Variants in KIF21A observed in about 807,000 individuals in gnomAD.
KIF21A encodes the protein kinesin family member 21A, also known as kinesin-like protein KIF21A.
A neutral mutation model predicts 202.9 loss-of-function variants in KIF21A; 114 were observed. The observed-to-expected ratio is 0.56, with a 90% CI of 0.48 to 0.66. The LOEUF (loss-of-function observed/expected upper bound fraction) is 0.66, where lower values mean the gene tolerates loss of function less well. KIF21A is among the 30% of genes least tolerant of loss of function. The pLI is 0.00. For synonymous variants in KIF21A, 667 were observed against 670.8 expected (o/e 0.99, Z 0.09); for missense variants, 1,677 against 1,994.9 (o/e 0.84, Z 3.04).
intron 17 of KIF21A, 47 bp from the exon 18 acceptor site, chr12:39,333,327 A>T: frequency 7.8e-7 from 1 of 1,279,468 alleles, no homozygotes; most frequent in Non-Finnish European, 1.1e-6. Flanking sequence ...TGAAAGATAC[A>T]ATATTTCCTA....
At chr12:39,310,073 A>G (rs1943878676) in intron 32 of KIF21A, among the ~76,000 whole-genome samples, 1 of 152,132 alleles carries the variant, frequency 6.6e-6, no homozygotes, top group Admixed American at 6.5e-5. Context: ...CACTGAATTT[A>G]GAATGGCAGT....
intron 37 of KIF21A, among the ~76,000 whole-genome samples, chr12:39,297,039 G>A (rs1591996245): frequency 6.6e-6 from 1 of 152,162 alleles, no homozygotes; most frequent in South Asian, 2.1e-4. Context: ...GGTAAGAAGT[G>A]GTTAGATTCT....
Position 39,442,888 on chromosome 12 carries a change from C to T in KIF21A, c.44+39G>A, listed in dbSNP as rs1270196225. The T allele has an allele frequency of 2.0e-6, 3 of 1,522,276 alleles. No homozygotes were observed. In the East Asian group the frequency reaches 7.6e-5, roughly 38 times the overall value. 94.3% of individuals were successfully genotyped at this position (1,522,276 alleles called of 1,614,324 possible). A position where few individuals can be genotyped will look rare whatever the true frequency, so the allele number is the denominator to read the frequency against. On this transcript the variant is annotated intron_variant, in intron 1 of 37. Transcript: ENST00000361418. The surrounding 1 kb of genome is among the most constrained non-coding windows in gnomAD (Gnocchi z 5.0). Reference sequence around the variant, plus strand: ...AGCCAGGTCCTTGCCGCGCCCTCAACCCGCCGCCCGCCGCCCGCCGCCGGC... The same window carrying T: ...AGCCAGGTCCTTGCCGCGCCCTCAATCCGCCGCCCGCCGCCCGCCGCCGGC...
chr12:39,340,759 C>A, intron 15 of KIF21A, 147 bp downstream of exon 15: 1 of 636,556 alleles, frequency 1.6e-6, no homozygotes, highest in South Asian at 2.1e-5. Context: ...AAATAAAAGG[C>A]ACAAACTTTG....
intron 1 of KIF21A, among the ~76,000 whole-genome samples, chr12:39,435,099 T>C (rs1446334724): frequency 6.6e-6 from 1 of 152,180 alleles, no homozygotes; most frequent in Admixed American, 6.5e-5. Flanking sequence ...CCTTGAGCTG[T>C]CCTTGATGTT....
intron 32 of KIF21A, among the ~76,000 whole-genome samples, chr12:39,310,083 T>G (rs1943879461): frequency 6.6e-6 from 1 of 152,114 alleles, no homozygotes; most frequent in Non-Finnish European, 1.5e-5. Flanking sequence ...AGAATGGCAG[T>G]CTCAGATCAG....
Position 39,342,030 on chromosome 12 carries a change from T to G in KIF21A, c.1803+4A>C, listed in dbSNP as rs940639199. ...AACTGACAAGTTCATTCTTTCATAC[T>G]TACCACTTCTAATTCATTGTTTTCT... is the stretch of plus-strand genomic sequence containing the variant. On this transcript the variant is annotated splice_donor_region_variant and intron_variant, in intron 13 of 37. Coordinates refer to ENST00000361418, the MANE Select transcript of KIF21A (RefSeq NM_001173464.2). The G allele has an allele frequency of 6.3e-7, 1 of 1,593,810 alleles. No homozygotes were observed. Among genetic ancestry groups the G allele is most frequent in the African/African-American group, 1.3e-5 (1 of 74,546 alleles).
intron 5 of KIF21A, 28 bp downstream of exon 5, chr12:39,367,002 G>A (rs763922310): frequency 6.2e-7 from 1 of 1,604,056 alleles, no homozygotes; most frequent in Non-Finnish European, 8.5e-7. Context: ...AAAATTGAAA[G>A]TTTAAGAAAT....
intron 37 of KIF21A, among the ~76,000 whole-genome samples, chr12:39,298,848 T>C (rs1427487718): frequency 6.6e-6 from 1 of 152,148 alleles, no homozygotes. Context: ...CTATGTAAGT[T>C]ATAAAGTGCC....
chr12:39,420,132 C>G (rs1225749316), intron 1 of KIF21A, among the ~76,000 whole-genome samples: 1 of 148,526 alleles, frequency 6.7e-6, no homozygotes, highest in Non-Finnish European at 1.5e-5. Context: ...GCAAGCTGCA[C>G]TTTTGCTGTT....
At chr12:39,305,090 G>A (rs1943324191) in intron 34 of KIF21A, 152 bp from the exon 35 acceptor site, 1 of 577,494 alleles carries the variant, frequency 1.7e-6, no homozygotes, top group African/African-American at 1.9e-5. Flanking sequence ...CTTGGGCCGG[G>A]TGCAGCGGCT....
chr12:39,380,054 G>A (rs1950517733), intron 1 of KIF21A, among the ~76,000 whole-genome samples: 2 of 152,146 alleles, frequency 1.3e-5, no homozygotes, highest in African/African-American at 2.4e-5. Flanking sequence ...TGCAACCTCC[G>A]CCTCCCAGGT....
rs556553853 is a variant in KIF21A at position 39,385,608 on chromosome 12, A to G, written c.45-15347T>C. Among the ~76,000 whole-genome samples, 3 of 152,314 alleles carry G rather than the reference A, an allele frequency of 2.0e-5. No individual in the cohort carries two copies. The South Asian group carries it at 6.2e-4, about 32-fold the overall frequency. On this transcript the variant is annotated intron_variant, in intron 1 of 37. Transcript: ENST00000361418. ...TATACAAATGAAGAATACAAAATTT[A>G]TACTAATTTTTTAGATAAGACTTGA...
intron 18 of KIF21A, 33 bp from the exon 19 acceptor site, chr12:39,333,140 T>C: frequency 6.2e-7 from 1 of 1,607,032 alleles, no homozygotes; most frequent in Non-Finnish European, 8.5e-7. Context: ...CTCATTCTCT[T>C]AGTCTATAGA....
chr12:39,331,009 G>C (rs1039275525), intron 22 of KIF21A, 98 bp from the exon 23 acceptor site: 60 of 1,270,500 alleles, frequency 4.7e-5, no homozygotes, highest in Non-Finnish European at 6.9e-5. Flanking sequence ...TATGGGTTTT[G>C]ACATCAGATA....
intron 1 of KIF21A, among the ~76,000 whole-genome samples, chr12:39,396,552 T>C (rs1951772003): frequency 6.6e-6 from 1 of 152,150 alleles, no homozygotes; most frequent in Non-Finnish European, 1.5e-5. Context: ...GGTTAAGAAA[T>C]AGAGTAATTA....
Position 39,442,871 on chromosome 12 carries a change from C to A in KIF21A, c.44+56G>T. On this transcript the variant is annotated intron_variant, in intron 1 of 37. Coordinates refer to ENST00000361418, the MANE Select transcript of KIF21A (RefSeq NM_001173464.2). The surrounding 1 kb of genome is among the most constrained non-coding windows in gnomAD (Gnocchi z 5.0). The stretch of plus-strand genomic sequence containing the variant: ...CCGGTGCTCCGCGCCACAGCCAGGT[C>A]CTTGCCGCGCCCTCAACCCGCCGCC... 6.6e-7 allele frequency: 1 copy of A among 1,519,266 alleles called. No homozygotes were observed. Among genetic ancestry groups the A allele is most frequent in the South Asian group, 1.2e-5 (1 of 82,822 alleles). The allele number at this position is 1,519,266 out of a possible 1,614,324, so 94.1% of individuals were successfully genotyped here. A position where few individuals can be genotyped will look rare whatever the true frequency, so the allele number is the denominator to read the frequency against.
intron 1 of KIF21A, among the ~76,000 whole-genome samples, chr12:39,398,224 G>C (rs1325711424): frequency 3.9e-5 from 6 of 152,140 alleles, no homozygotes; most frequent in Admixed American, 3.9e-4. Context: ...ATTGAATCTT[G>C]GTTTCAAGTG....
intron 1 of KIF21A, among the ~76,000 whole-genome samples, chr12:39,378,311 T>C (rs938382873): frequency 3.3e-5 from 5 of 152,158 alleles, no homozygotes; most frequent in Admixed American, 2.0e-4. Flanking sequence ...GGGGTAACAT[T>C]GTGCCACTCT....
Sources: gnomAD v4.1 joint callset for allele counts (sites outside exome capture counted in the v4.1 genomes callset) on GRCh38, gnomAD v4.1.1 for gene constraint, Gnocchi (gnomAD v3.1) non-coding constraint, MANE v1.5 for transcripts, NCBI Gene and HGNC (gene_info 2026-07-23, HGNC 2026-07-21) for gene names.